CTNNA3: variants seen among roughly 807,000 people sequenced by gnomAD.
CTNNA3 encodes catenin alpha-3.
A neutral mutation model predicts 95.7 loss-of-function variants in CTNNA3; 76 were observed. The observed-to-expected ratio is 0.79, with a 90% CI of 0.66 to 0.96. The LOEUF (loss-of-function observed/expected upper bound fraction) is 0.96. CTNNA3 is among the 40% of genes least tolerant of loss of function. The pLI, the probability that CTNNA3 is intolerant of heterozygous loss-of-function variation, is 0.00. For missense variants in CTNNA3, 1,191 were observed against 1,089.8 expected (o/e 1.09, Z -1.31); for synonymous variants, 431 against 374.4 (o/e 1.15, Z -1.74).
chr10:67,259,833 C>T (rs1337870961), intron 5 of CTNNA3, among the ~76,000 whole-genome samples: 1 of 152,140 alleles, frequency 6.6e-6, no homozygotes, highest in Non-Finnish European at 1.5e-5. Context: ...TCATAAGTAG[C>T]ACAGGCAGTT....
intron 15 of CTNNA3, among the ~76,000 whole-genome samples, chr10:66,020,742 A>T (rs2133422933): frequency 6.9e-6 from 1 of 144,528 alleles, no homozygotes; most frequent in South Asian, 2.1e-4. Flanking sequence ...ATCTCTGCTC[A>T]CTCACTGCAA....
chr10:66,399,093 A>G (rs2093000868), intron 11 of CTNNA3, among the ~76,000 whole-genome samples: 2 of 151,972 alleles, frequency 1.3e-5, no homozygotes, highest in South Asian at 4.1e-4. Flanking sequence ...TTAGAGGTCT[A>G]CCCTGTTGCT....
At chr10:66,939,851 A>G (rs1298670332) in intron 7 of CTNNA3, among the ~76,000 whole-genome samples, 3 of 152,172 alleles carry the variant, frequency 2.0e-5, no homozygotes, top group Non-Finnish European at 4.4e-5. Flanking sequence ...GAAATTCCAA[A>G]CTAATTTCAT....
At chr10:66,766,668 G>A (rs1015004937) in intron 8 of CTNNA3, among the ~76,000 whole-genome samples, 3 of 152,106 alleles carry the variant, frequency 2.0e-5, no homozygotes, top group African/African-American at 7.2e-5. Context: ...TATTTAACCT[G>A]GAAGTCAGAT....
At chr10:67,557,999 T>C (rs987122890) in intron 3 of CTNNA3, among the ~76,000 whole-genome samples, 7 of 151,762 alleles carry the variant, frequency 4.6e-5, no homozygotes, top group Admixed American at 3.9e-4. Context: ...CCTTCCAAGT[T>C]TCACAGGTAT....
At chr10:66,938,072 T>C (rs1223480602) in intron 7 of CTNNA3, among the ~76,000 whole-genome samples, 4 of 152,228 alleles carry the variant, frequency 2.6e-5, no homozygotes, top group Non-Finnish European at 5.9e-5. Flanking sequence ...GTCATTATTA[T>C]GAAGTTATTA....
At chr10:66,727,264 T>TA (rs975474739) in intron 9 of CTNNA3, among the ~76,000 whole-genome samples, 27 of 151,680 alleles carry the variant, frequency 1.8e-4, no homozygotes, top group Non-Finnish European at 3.2e-4. Context: ...ATACAAACAT[T>TA]AAAAAAAAGT....
At chr10:66,597,654 C>A (rs932494241) in intron 10 of CTNNA3, among the ~76,000 whole-genome samples, 2 of 149,742 alleles carry the variant, frequency 1.3e-5, no homozygotes, top group African/African-American at 2.5e-5. Context: ...TACAAAGGAA[C>A]CCTCATGAGA....
chr10:67,101,579 C>T (rs1055385822), intron 7 of CTNNA3, among the ~76,000 whole-genome samples: 8 of 151,550 alleles, frequency 5.3e-5, no homozygotes, highest in Admixed American at 4.0e-4. Flanking sequence ...TTTCTAGTCC[C>T]TCCTGAATGT....
chr10:66,529,544 C>A (rs757982794), intron 10 of CTNNA3, among the ~76,000 whole-genome samples: 1 of 150,246 alleles, frequency 6.7e-6, no homozygotes, highest in African/African-American at 2.4e-5. Flanking sequence ...AGAAAAATGA[C>A]TTCTTTCCCT....
At chr10:67,583,110 A>G (rs1842471251) in intron 3 of CTNNA3, among the ~76,000 whole-genome samples, 1 of 152,072 alleles carries the variant, frequency 6.6e-6, no homozygotes, top group Admixed American at 6.5e-5. Flanking sequence ...TTATGATGTT[A>G]GCTAGTTATT....
rs2077020076 is a variant in CTNNA3 at position 65,917,379 on chromosome 10, G to A, written c.*2951C>T. On this transcript the variant is annotated 3_prime_UTR_variant, in exon 18 of 18. Coordinates refer to ENST00000433211, the MANE Select transcript of CTNNA3 (RefSeq NM_013266.4). ...TAATTTGTCATAAATTAAAGGGAAT[G>A]ATTTCTATTTCTCACTTTTTATATT... 6.6e-6 allele frequency: 1 copy of A among 151,690 alleles called. No individual in the cohort carries two copies. Among genetic ancestry groups the A allele is most frequent in the African/African-American group, 2.4e-5 (1 of 41,316 alleles). 9.4% of individuals were successfully genotyped at this position (151,690 alleles called of 1,614,324 possible). A position where few individuals can be genotyped will look rare whatever the true frequency, so the allele number is the denominator to read the frequency against.
intron 5 of CTNNA3, among the ~76,000 whole-genome samples, chr10:67,390,155 C>T (rs1396108971): frequency 6.6e-6 from 1 of 152,078 alleles, no homozygotes; most frequent in African/African-American, 2.4e-5. Context: ...AATTGATAGA[C>T]CACTAGCATG....
At chr10:67,391,171 A>C (rs564665381) in intron 5 of CTNNA3, among the ~76,000 whole-genome samples, 50 of 152,270 alleles carry the variant, frequency 3.3e-4, no homozygotes, top group Middle Eastern at 3.4e-3. Flanking sequence ...GTCTCAGCCC[A>C]AAATCTCCTT....
intron 7 of CTNNA3, among the ~76,000 whole-genome samples, chr10:67,078,059 T>A (rs1431860902): frequency 6.6e-6 from 1 of 152,140 alleles, no homozygotes; most frequent in East Asian, 1.9e-4. Flanking sequence ...CAGACCAGGG[T>A]CATACTTGGA....
intron 4 of CTNNA3, among the ~76,000 whole-genome samples, chr10:67,538,839 A>G (rs963646565): frequency 1.3e-5 from 2 of 152,164 alleles, no homozygotes; most frequent in African/African-American, 4.8e-5. Flanking sequence ...TCATCTGAAC[A>G]CTACTAATGA....
Position 67,762,374 on chromosome 10 carries a change from TC to T in CTNNA3, c.-2+1059del, listed in dbSNP as rs1238577460. On this transcript the variant is annotated intron_variant, in intron 1 of 17. Coordinates refer to the CTNNA3 transcript ENST00000684154. ...TTTTCCCCATTGTCTTGCTTTCCCC[TC>T]CCCCCCCCAAAAAAAAAAAAGCCCT... 9.4e-3 allele frequency among the ~76,000 whole-genome samples: 891 copies of T among 94,932 alleles called. 5 individuals are homozygous for T. Among genetic ancestry groups the T allele is most frequent in the African/African-American group, 0.02 (501 of 25,190 alleles). 62.3% of individuals were successfully genotyped at this position (94,932 alleles called of 152,430 possible). A position where few individuals can be genotyped will look rare whatever the true frequency, so the allele number is the denominator to read the frequency against.
intron 12 of CTNNA3, among the ~76,000 whole-genome samples, chr10:66,307,888 C>T (rs1390336491): frequency 6.6e-6 from 1 of 152,196 alleles, no homozygotes; most frequent in East Asian, 1.9e-4. Flanking sequence ...GAAATGCAGG[C>T]TGCTGCTCAG....
rs1215588266 is a variant in CTNNA3, at chr10:66,199,785, ATATATATATATATATATATATTTTTTTTT to A, written c.1884+80656_1884+80684del. ...CCTGGCTATATATATATATATATAT[ATATATATATATATATATATATTTTTTTTT>A]TTTTTTTTTTTTTTTTTTTAGTAGA... On this transcript the variant is annotated intron_variant, in intron 13 of 17. Transcript: ENST00000433211. Among the ~76,000 whole-genome samples, 14 of 11,042 alleles carry A rather than the reference ATATATATATATATATATATATTTTTTTTT, an allele frequency of 1.3e-3. No individual in the cohort carries two copies. In the South Asian group the frequency reaches 0.045, roughly 36 times the overall value. The allele number at this position is 11,042 out of a possible 152,430, so 7.2% of individuals were successfully genotyped here.
Sources: allele counts gnomAD v4.1 joint callset (sites outside exome capture counted in the v4.1 genomes callset), GRCh38; gene constraint gnomAD v4.1.1; transcripts MANE v1.5; gene names NCBI Gene and HGNC (gene_info 2026-07-23, HGNC 2026-07-21).